The following ZBTB16 variants were observed in gnomAD, a reference collection of about 807,000 sequenced individuals.
ZBTB16 encodes zinc finger and BTB domain containing 16, also known as zinc finger and BTB domain-containing protein 16.
In ZBTB16, 8 loss-of-function variants were observed where a neutral mutation model predicts 56.8. The ratio of observed to expected loss-of-function variants is 0.14; its 90% CI spans 0.08 to 0.25. ZBTB16 has a LOEUF of 0.25. ZBTB16 is among the 10% of genes least tolerant of loss of function. ZBTB16 has a pLI of 1.00. For missense variants in ZBTB16, 625 were observed against 903.0 expected, an observed-to-expected ratio of 0.69 and a Z score of 3.95; for synonymous variants, 363 against 368.5, an observed-to-expected ratio of 0.98 and a Z score of 0.17.
intron 2 of ZBTB16, among the ~76,000 whole-genome samples, chr11:114,148,471 C>CTT (rs1942196595): frequency 9.4e-6 from 1 of 106,818 alleles, no homozygotes; most frequent in African/African-American, 5.0e-5. Flanking sequence ...CTCTCTCTCT[C>CTT]TTTCTTTCTT....
At chr11:114,091,144 T>C (rs1391895414) in intron 2 of ZBTB16, among the ~76,000 whole-genome samples, 1 of 152,014 alleles carries the variant, frequency 6.6e-6, no homozygotes, top group African/African-American at 2.4e-5. Context: ...AGCCCTGGAG[T>C]TGGAGACCAG....
chr11:114,096,393 T>C (rs1462908977), intron 2 of ZBTB16, among the ~76,000 whole-genome samples: 1 of 152,206 alleles, frequency 6.6e-6, no homozygotes, highest in Non-Finnish European at 1.5e-5. Flanking sequence ...TATCTTAGCA[T>C]GTTAAGTTTT....
Position 114,071,730 on chromosome 11 carries a change from C to T in ZBTB16, c.1268+7162C>T, listed in dbSNP as rs375232876. 2.0e-5 allele frequency among the ~76,000 whole-genome samples: 3 copies of T among 152,278 alleles called. No individual in the cohort carries two copies. In the East Asian group the frequency reaches 5.8e-4, roughly 29 times the overall value. ...TGGAGGGTTTCTGAATTTTCCATAACTAAAGATTTTCTATTCTGTTTTGGC... is the reference window on the plus strand; with the variant it reads ...TGGAGGGTTTCTGAATTTTCCATAATTAAAGATTTTCTATTCTGTTTTGGC... On this transcript the variant is annotated intron_variant, in intron 2 of 6. Transcript: ENST00000335953.
intron 3 of ZBTB16, chr11:114,181,031 A>G (rs1450832735): frequency 6.6e-6 from 1 of 152,290 alleles, no homozygotes; most frequent in African/African-American, 2.4e-5. Flanking sequence ...TCTTTAAATT[A>G]GAGGAACAAG....
In ZBTB16 at chr11:114,241,839, T is replaced by A. The variant is rs553694507; in HGVS notation, c.1454-328T>A. Among the ~76,000 whole-genome samples the A allele has an allele frequency of 4.3e-4, 65 of 152,320 alleles. 1 individual carries two copies. Among genetic ancestry groups the A allele is most frequent in the African/African-American group, 1.4e-3 (57 of 41,584 alleles). On this transcript the variant is annotated intron_variant, in intron 4 of 6. Coordinates refer to ENST00000335953, the MANE Select transcript of ZBTB16 (RefSeq NM_006006.6). ...ACTTTTTGCCCTGTACTCTGTGAAGTCCATCTGGTATATGCTGTCTTAGTA... is the reference window on the plus strand; with the variant it reads ...ACTTTTTGCCCTGTACTCTGTGAAGACCATCTGGTATATGCTGTCTTAGTA...
At chr11:114,130,342 A>G (rs952671743) in intron 2 of ZBTB16, among the ~76,000 whole-genome samples, 1 of 152,184 alleles carries the variant, frequency 6.6e-6, no homozygotes, top group Non-Finnish European at 1.5e-5. Flanking sequence ...TGCACCCTGC[A>G]GGGTGGAGGG....
chr11:114,203,356 T>C (rs1483875548), intron 4 of ZBTB16, among the ~76,000 whole-genome samples: 1 of 152,118 alleles, frequency 6.6e-6, no homozygotes, highest in African/African-American at 2.4e-5. Context: ...GATGAAGATA[T>C]TCTGGAATTA....
At chr11:114,148,455 CTG>C (rs1282043809) in intron 2 of ZBTB16, among the ~76,000 whole-genome samples, 8 of 85,168 alleles carry the variant, frequency 9.4e-5, no homozygotes, top group Admixed American at 2.6e-4. Flanking sequence ...CTCTGTCTGT[CTG>C]TCTCTCTCTC....
At position 114,247,215 on chromosome 11, in the gene ZBTB16, T is replaced by C; in HGVS notation, c.1642T>C (p.Cys548Arg). 1 of 1,614,072 alleles carries C rather than the reference T, an allele frequency of 6.2e-7. No individual in the cohort carries two copies. Among genetic ancestry groups the C allele is most frequent in the Non-Finnish European group, 8.5e-7 (1 of 1,179,994 alleles). Residue 548 changes from cysteine (C) to arginine (R), a missense_variant, in exon 6 of 7, where the codon TGT becomes CGT. Physicochemically the swap from Cys to Arg is radical, Grantham distance 180 (BLOSUM62 -3). Coordinates refer to ENST00000335953, the MANE Select transcript of ZBTB16 (RefSeq NM_006006.6). ...CTCCACAGGCGACCACCCCTACGAG[T>C]GTGAGTTCTGTGGCAGCTGCTTCCG... ...RSHTGDHPYE[C>R]EFCGSCFRDE...
rs992423717 is a variant in ZBTB16, at chr11:114,172,188, G to A, written c.1367-14764G>A. On this transcript the variant is annotated intron_variant, in intron 3 of 6. Coordinates refer to ENST00000335953, the MANE Select transcript of ZBTB16 (RefSeq NM_006006.6). ...CCTACTACATGTCCAAGAATGTCCT[G>A]CGACCGCACACAGCTGGCCATGGTT... Among the ~76,000 whole-genome samples the A allele has an allele frequency of 2.2e-4, 34 of 152,326 alleles. 1 individual carries two copies. Among genetic ancestry groups the A allele is most frequent in the South Asian group, 1.5e-3 (7 of 4,824 alleles).
chr11:114,239,677 CAGAG>C (rs145641593), intron 4 of ZBTB16, among the ~76,000 whole-genome samples: 2,686 of 152,276 alleles, frequency 0.018, 29 homozygotes, highest in Middle Eastern at 0.054. Flanking sequence ...TGGAAGGCCT[CAGAG>C]AGCTATGCCT....
intron 4 of ZBTB16, among the ~76,000 whole-genome samples, chr11:114,193,597 A>T (rs898285966): frequency 1.3e-5 from 2 of 152,168 alleles, no homozygotes; most frequent in Admixed American, 1.3e-4. Flanking sequence ...CAATGAGAGA[A>T]TACAGTCTGA....
intron 4 of ZBTB16, among the ~76,000 whole-genome samples, chr11:114,199,886 T>C (rs904338286): frequency 1.3e-5 from 2 of 152,186 alleles, no homozygotes; most frequent in Non-Finnish European, 1.5e-5. Flanking sequence ...CCCAGCACTT[T>C]GGGAGGCCGA....
At chr11:114,171,118 C>G (rs1942955126) in intron 3 of ZBTB16, among the ~76,000 whole-genome samples, 1 of 152,064 alleles carries the variant, frequency 6.6e-6, no homozygotes, top group Non-Finnish European at 1.5e-5. Flanking sequence ...TGAAGCTGAC[C>G]CGGGAGCAAA....
At chr11:114,073,030 T>C (rs375049747) in intron 2 of ZBTB16, among the ~76,000 whole-genome samples, 6 of 129,948 alleles carry the variant, frequency 4.6e-5, no homozygotes, top group Admixed American at 1.9e-4. Context: ...CACTCCAGCC[T>C]GGGCAAAGGA....
chr11:114,217,699 G>A (rs563552256), intron 4 of ZBTB16, among the ~76,000 whole-genome samples: 2 of 152,332 alleles, frequency 1.3e-5, no homozygotes, highest in South Asian at 4.1e-4. Flanking sequence ...CTGAGACCGT[G>A]AGAGTAGAGT....
chr11:114,148,418 TCCCTCC>T (rs1177693241), intron 2 of ZBTB16, among the ~76,000 whole-genome samples: 2,610 of 18,480 alleles, frequency 0.14, 391 homozygotes, highest in African/African-American at 0.36. Flanking sequence ...CCTCCCTCCC[TCCCTCC>T]CTCTCTCTCT....
intron 3 of ZBTB16, among the ~76,000 whole-genome samples, chr11:114,184,260 T>C (rs907732649): frequency 2.0e-5 from 3 of 152,088 alleles, no homozygotes; most frequent in Admixed American, 1.3e-4. Flanking sequence ...TCCTCTAGGG[T>C]CCTCATATTC....
At chr11:114,182,940 CTT>C (rs1196367395) in intron 3 of ZBTB16, among the ~76,000 whole-genome samples, 1 of 152,172 alleles carries the variant, frequency 6.6e-6, no homozygotes, top group East Asian at 1.9e-4. Context: ...AAATTTATCA[CTT>C]TTAATTTCAG....
Sources: allele counts gnomAD v4.1 joint callset (sites outside exome capture counted in the v4.1 genomes callset), GRCh38; gene constraint gnomAD v4.1.1; transcripts MANE v1.5; gene names NCBI Gene and HGNC (gene_info 2026-07-23, HGNC 2026-07-21).